The following HDAC9 variants were observed in gnomAD, a reference collection of about 807,000 sequenced individuals.
HDAC9 encodes the protein histone deacetylase 9, also known as MEF-2 interacting transcription repressor (MITR) protein.
A neutral mutation model predicts 139.4 loss-of-function variants in HDAC9; 41 were observed. That is an observed-to-expected ratio of 0.29 (90% CI 0.23 to 0.38). The LOEUF is 0.38. Ranked by LOEUF, HDAC9 falls within the 10% of genes least tolerant of loss-of-function variation. The probability of loss-of-function intolerance (pLI) is 1.00; values close to 1 mark genes in which losing one functional copy is unlikely to be tolerated. For synonymous variants in HDAC9, 517 were observed against 476.2 expected, an observed-to-expected ratio of 1.09 and a Z score of -1.12; for missense variants, 1,147 against 1,297.0, an observed-to-expected ratio of 0.88 and a Z score of 1.78.
chr7:18,267,194 T>G (rs4361680), intron 2 of HDAC9, among the ~76,000 whole-genome samples: 3 of 151,902 alleles, frequency 2.0e-5, no homozygotes, highest in Non-Finnish European at 4.4e-5. Context: ...TTAATTGACT[T>G]TATAATGTAT....
chr7:18,608,684 C>G (rs1256451032), intron 6 of HDAC9, among the ~76,000 whole-genome samples: 1 of 152,008 alleles, frequency 6.6e-6, no homozygotes, highest in Admixed American at 6.6e-5. Context: ...ATAAAAATAT[C>G]TGAGAATATA....
chr7:18,807,311 TTTTA>T lies in HDAC9; in HGVS notation c.2322+13863_2322+13866del, dbSNP rs1252155341. On this transcript the variant is annotated intron_variant, in intron 17 of 25. Coordinates refer to ENST00000686413, the MANE Select transcript of HDAC9 (RefSeq NM_178425.4). ...GTTGTTAAGTCTTGTTCAATTCTGATTTTATTTGAGTCTGATATCTTTTTTTATT... is the reference window on the plus strand; with the variant it reads ...GTTGTTAAGTCTTGTTCAATTCTGATTTTGAGTCTGATATCTTTTTTTATT... Among the ~76,000 whole-genome samples the T allele has an allele frequency of 3.3e-5, 5 of 152,288 alleles. No individual in the cohort carries two copies. In the East Asian group the frequency reaches 9.6e-4, roughly 29 times the overall value.
At chr7:18,578,225 A>C (rs756974291) in intron 2 of HDAC9, 1 of 519,012 alleles carries the variant, frequency 1.9e-6, no homozygotes, top group East Asian at 5.4e-5. Flanking sequence ...GCTTCTTCTG[A>C]GCAGTAGTGC....
intron 1 of HDAC9, among the ~76,000 whole-genome samples, chr7:18,455,017 A>G (rs183612602): frequency 6.6e-6 from 1 of 152,216 alleles, no homozygotes; most frequent in African/African-American, 2.4e-5. Context: ...GGTCTCACAT[A>G]ATTCACAGCT....
At chr7:18,973,037 C>T (rs150668573) in intron 24 of HDAC9, among the ~76,000 whole-genome samples, 188 of 152,260 alleles carry the variant, frequency 1.2e-3, no homozygotes, top group African/African-American at 4.3e-3. Flanking sequence ...CAGCAGAGTG[C>T]AGAGGAAGAG....
intron 1 of HDAC9, among the ~76,000 whole-genome samples, chr7:18,298,633 A>G (rs1798311081): frequency 6.6e-6 from 1 of 152,174 alleles, no homozygotes; most frequent in Non-Finnish European, 1.5e-5. Flanking sequence ...CTTACTTGAG[A>G]TAATTTTCAA....
intron 12 of HDAC9, chr7:18,666,826 T>C (rs764471467): frequency 1.2e-4 from 124 of 1,073,410 alleles, no homozygotes; most frequent in Non-Finnish European, 1.4e-4. Flanking sequence ...AAATTCACTG[T>C]TATTTTGAGT....
At chr7:18,579,215 G>A (rs1455615246) in intron 2 of HDAC9, among the ~76,000 whole-genome samples, 1 of 152,196 alleles carries the variant, frequency 6.6e-6, no homozygotes, top group Non-Finnish European at 1.5e-5. Flanking sequence ...AAATGTTAAT[G>A]AGAGAATGAT....
At chr7:18,536,092 A>T (rs1048494696) in intron 2 of HDAC9, among the ~76,000 whole-genome samples, 1 of 152,222 alleles carries the variant, frequency 6.6e-6, no homozygotes, top group African/African-American at 2.4e-5. Flanking sequence ...ACCCAGGTGC[A>T]TGACAGGTTA....
chr7:18,223,746 A>G (rs1421138461), intron 2 of HDAC9, among the ~76,000 whole-genome samples: 1 of 152,046 alleles, frequency 6.6e-6, no homozygotes, highest in African/African-American at 2.4e-5. Context: ...TGTTTCCTAT[A>G]TACTCTTATT....
chr7:18,413,493 A>G (rs1321491584), intron 1 of HDAC9, among the ~76,000 whole-genome samples: 1 of 152,126 alleles, frequency 6.6e-6, no homozygotes, highest in Admixed American at 6.5e-5. Flanking sequence ...AAGACTTAAG[A>G]CTTAAACTGT....
At position 18,767,169 on chromosome 7, in the gene HDAC9, G is replaced by T. The variant is rs749056035; in HGVS notation, c.2214+14G>T. 4 of 1,510,910 alleles carry T rather than the reference G, an allele frequency of 2.6e-6. No individual in the cohort carries two copies. The highest frequency in any genetic ancestry group is 3.6e-6 in the Non-Finnish European group (4 of 1,112,218). The allele number at this position is 1,510,910 out of a possible 1,614,324, so 93.6% of individuals were successfully genotyped here. On this transcript the variant is annotated intron_variant, in intron 16 of 25. Coordinates refer to ENST00000686413, the MANE Select transcript of HDAC9 (RefSeq NM_178425.4). ...GGTGGACTTGGGGTAAGTACAAGTT[G>T]GTTTACTGCCTTTAAATAACATAAA...
intron 1 of HDAC9, among the ~76,000 whole-genome samples, chr7:18,299,504 C>A (rs1035198616): frequency 2.0e-5 from 3 of 152,080 alleles, no homozygotes; most frequent in African/African-American, 7.2e-5. Context: ...CAGTTTAACT[C>A]TCTTTGCATA....
At chr7:18,881,315 CT>C (rs1799721719) in intron 22 of HDAC9, among the ~76,000 whole-genome samples, 1 of 152,028 alleles carries the variant, frequency 6.6e-6, no homozygotes, top group African/African-American at 2.4e-5. Flanking sequence ...GACATATAAA[CT>C]TTTTTAGATA....
At chr7:18,538,849 A>G (rs1811761162) in intron 2 of HDAC9, among the ~76,000 whole-genome samples, 1 of 152,172 alleles carries the variant, frequency 6.6e-6, no homozygotes, top group Non-Finnish European at 1.5e-5. Flanking sequence ...AATTTATAGA[A>G]AAAAAGAAAT....
intron 6 of HDAC9, among the ~76,000 whole-genome samples, chr7:18,595,621 C>G (rs931974785): frequency 1.3e-5 from 2 of 151,952 alleles, no homozygotes; most frequent in Non-Finnish European, 2.9e-5. Flanking sequence ...AATATGGATT[C>G]CCCTTATGGC....
chr7:18,570,817 C>T (rs1460758286), intron 2 of HDAC9, among the ~76,000 whole-genome samples: 1 of 152,232 alleles, frequency 6.6e-6, no homozygotes, highest in Admixed American at 6.5e-5. Context: ...GTTTGTTATA[C>T]AGTAAGTGCT....
chr7:18,646,903 G>A (rs1787595424), intron 9 of HDAC9, among the ~76,000 whole-genome samples: 2 of 152,064 alleles, frequency 1.3e-5, no homozygotes, highest in Non-Finnish European at 2.9e-5. Context: ...AATATCTAGA[G>A]TGTCATTTTC....
intron 2 of HDAC9, among the ~76,000 whole-genome samples, chr7:18,567,254 G>A (rs1035705742): frequency 2.6e-5 from 4 of 152,042 alleles, no homozygotes; most frequent in Non-Finnish European, 5.9e-5. Context: ...CTAAGGAATC[G>A]CATGGGGTTC....
Sources: gnomAD v4.1 joint callset for allele counts (sites outside exome capture counted in the v4.1 genomes callset) on GRCh38, gnomAD v4.1.1 for gene constraint, MANE v1.5 for transcripts, NCBI Gene and HGNC (gene_info 2026-07-23, HGNC 2026-07-21) for gene names.